The following RPS6 variants were observed in gnomAD, a reference collection of about 807,000 sequenced individuals.
RPS6 encodes ribosomal protein S6.
In RPS6, 1 loss-of-function variant was observed where a neutral mutation model predicts 27.1. The ratio of observed to expected loss-of-function variants is 0.04; its 90% CI spans 0.01 to 0.18. RPS6 has a LOEUF of 0.18. RPS6 is among the 10% of genes least tolerant of loss of function. The pLI, the probability that RPS6 is intolerant of heterozygous loss-of-function variation, is 1.00. For missense variants in RPS6, 259 were observed against 319.1 expected (o/e 0.81, Z 1.44); for synonymous variants, 152 against 106.0 (o/e 1.43, Z -2.66).
rs996919967 is a variant in RPS6 at position 19,378,661 on chromosome 9, T to C, written c.349+47A>G. On this transcript the variant is annotated intron_variant, in intron 3 of 5. Transcript: ENST00000380394. ...GCAAATGAATAAGCATTTGGACAAC[T>C]GGCTTTAAATCAATTTCAACGAAAA... 1.9e-6 allele frequency: 3 copies of C among 1,602,510 alleles called. No individual in the cohort carries two copies. In the African/African-American group the frequency reaches 4.0e-5, roughly 21 times the overall value.
At chr9:19,378,289 A>C (rs1224402382) in intron 4 of RPS6, 79 bp downstream of exon 4, 2 of 1,431,990 alleles carry the variant, frequency 1.4e-6, no homozygotes, top group Non-Finnish European at 1.9e-6. Flanking sequence ...AAAGGCACAT[A>C]TTTATCTTCT....
chr9:19,377,123 TTAATC>T (rs1829601477), intron 4 of RPS6, among the ~76,000 whole-genome samples: 1 of 152,250 alleles, frequency 6.6e-6, no homozygotes, highest in African/African-American at 2.4e-5. Context: ...AGTATCTTCA[TTAATC>T]TGATCTGTAC....
intron 1 of RPS6, 166 bp downstream of exon 1, chr9:19,380,024 G>T: frequency 6.6e-7 from 1 of 1,524,474 alleles, no homozygotes; most frequent in Non-Finnish European, 8.8e-7. Flanking sequence ...CCTGCCATCC[G>T]TTCGGCCAAA....
In RPS6 at chr9:19,378,468, G is replaced by T. The variant is rs541096547; in HGVS notation, c.396C>A (p.Arg132=). The change falls in exon 4 of 6, where the codon CGC becomes CGA. Residue 132 remains arginine, a synonymous_variant. Coordinates refer to ENST00000380394, the MANE Select transcript of RPS6 (RefSeq NM_001010.3). ...PGLTDTTVPR[R]LGPKRASRIR... ...TTCTGCTAGCTCTTTTGGGGCCCAG[G>T]CGGCGAGGCACTGTAGTATCAGTCA... is the stretch of plus-strand genomic sequence containing the variant. The T allele has an allele frequency of 6.2e-7, 1 of 1,614,132 alleles. No individual in the cohort carries two copies. Among genetic ancestry groups the T allele is most frequent in the Non-Finnish European group, 8.5e-7 (1 of 1,180,018 alleles).
intron 2 of RPS6, chr9:19,379,131 C>T: frequency 1.3e-6 from 1 of 774,684 alleles, no homozygotes; most frequent in Non-Finnish European, 2.0e-6. Flanking sequence ...GCATTTCTAA[C>T]CGATGTTTTA....
At chr9:19,379,117 AG>A in intron 2 of RPS6, 199 bp from the exon 3 acceptor site, 1 of 762,988 alleles carries the variant, frequency 1.3e-6, no homozygotes, top group East Asian at 2.7e-5. Flanking sequence ...ATGTCTTTCA[AG>A]TCGCATTTCT....
Position 19,380,222 on chromosome 9 carries a change from C to G in RPS6, c.-27G>C. 6.2e-7 allele frequency: 1 copy of G among 1,613,134 alleles called. No homozygotes were observed. Among genetic ancestry groups the G allele is most frequent in the South Asian group, 1.1e-5 (1 of 91,078 alleles). On this transcript the variant is annotated 5_prime_UTR_variant, in exon 1 of 6. Transcript: ENST00000380394. ...TTGAAGCAGCTGAACGCCTCCGAGG[C>G]GCCACGGAAAAGAGGGCCAACTTCC...
At chr9:19,379,318 C>T (rs1440685478) in intron 2 of RPS6, 169 bp downstream of exon 2, 3 of 1,501,946 alleles carry the variant, frequency 2.0e-6, no homozygotes, top group South Asian at 1.3e-5. Flanking sequence ...GCTTACTCTA[C>T]GTCCCCCCCT....
chr9:19,376,286 AAAAATCTTATTTCT>A lies in RPS6; in HGVS notation c.743_*6del. 6.2e-7 allele frequency: 1 copy of A among 1,605,850 alleles called. No individual in the cohort carries two copies. The highest frequency in any genetic ancestry group is 8.5e-7 in the Non-Finnish European group (1 of 1,176,450). On this transcript the variant is annotated stop_retained_variant and 3_prime_UTR_variant, in exon 6 of 6. Transcript: ENST00000380394. The stretch of plus-strand genomic sequence containing the variant: ...TCTGATCTTATTTATTTGTTACTCA[AAAAATCTTATTTCT>A]GACTGGATTCAGACTTAGAAGTAGA...
intron 3 of RPS6, 76 bp downstream of exon 3, chr9:19,378,632 T>G: frequency 6.3e-7 from 1 of 1,576,660 alleles, no homozygotes; most frequent in South Asian, 1.1e-5. Flanking sequence ...TAAGTCTGGA[T>G]ACTGCAAATG....
Position 19,378,698 on chromosome 9 carries a change from T to C in RPS6, c.349+10A>G. 1 of 1,613,598 alleles carries C rather than the reference T, an allele frequency of 6.2e-7. No homozygotes were observed. The highest frequency in any genetic ancestry group is 1.3e-5 in the African/African-American group (1 of 75,036). On this transcript the variant is annotated intron_variant, in intron 3 of 5. Coordinates refer to ENST00000380394, the MANE Select transcript of RPS6 (RefSeq NM_001010.3). ...AATTTCAACGAAAATTGAACACAAG[T>C]AACCCTCACCTTTTTTTACAATAAC...
chr9:19,376,759 TATA>T (rs780085470), intron 4 of RPS6, 108 bp from the exon 5 acceptor site: 26 of 1,050,320 alleles, frequency 2.5e-5, no homozygotes, highest in African/African-American at 3.2e-5. Flanking sequence ...TATGAAAACC[TATA>T]ATGAGGCCTT....
At position 19,376,177 on chromosome 9, in the gene RPS6, T is replaced by C; in HGVS notation, c.*116A>G. 2.4e-6 allele frequency: 2 copies of C among 839,600 alleles called. No homozygotes were observed. Among genetic ancestry groups the C allele is most frequent in the Non-Finnish European group, 1.9e-6 (1 of 525,466 alleles). The allele number at this position is 839,600 out of a possible 1,614,324, so 52.0% of individuals were successfully genotyped here. ...CCACCATTGGAATACCATATATACA[T>C]ATCCCCATTTTCTATGACCTAACTT... On this transcript the variant is annotated 3_prime_UTR_variant, in exon 6 of 6. Coordinates refer to ENST00000380394, the MANE Select transcript of RPS6 (RefSeq NM_001010.3).
At position 19,378,901 on chromosome 9, in the gene RPS6, G is replaced by A; in HGVS notation, c.156C>T (p.Ile52=). The A allele has an allele frequency of 1.2e-6, 2 of 1,614,074 alleles. No individual in the cohort carries two copies. The highest frequency in any genetic ancestry group is 1.7e-6 in the Non-Finnish European group (2 of 1,180,002). ...GEEWKGYVVR[I]SGGNDKQGFP... is the part of the protein sequence containing the mutation. ...AACCTTGTTTGTCGTTCCCACCACTGATTCGGACCACATAACCCTGCAAGA... is the reference window on the plus strand; with the variant it reads ...AACCTTGTTTGTCGTTCCCACCACTAATTCGGACCACATAACCCTGCAAGA... Residue 52 remains isoleucine (I), a synonymous_variant, in exon 3 of 6, where the codon ATC becomes ATT. Coordinates refer to ENST00000380394, the MANE Select transcript of RPS6 (RefSeq NM_001010.3).
rs994439195 is a variant in RPS6 at position 19,376,242 on chromosome 9, A to G, written c.*51T>C. On this transcript the variant is annotated 3_prime_UTR_variant, in exon 6 of 6. Coordinates refer to ENST00000380394, the MANE Select transcript of RPS6 (RefSeq NM_001010.3). The stretch of plus-strand genomic sequence containing the variant: ...TATGTAGTTTTCTATCAGCAATGAA[A>G]AGTCAACAGAGATCAGAGTCTGATC... 1 of 1,455,102 alleles carries G rather than the reference A, an allele frequency of 6.9e-7. No individual in the cohort carries two copies. Among genetic ancestry groups the G allele is most frequent in the Non-Finnish European group, 9.5e-7 (1 of 1,056,022 alleles). 90.1% of individuals were successfully genotyped at this position (1,455,102 alleles called of 1,614,324 possible).
chr9:19,379,654 T>C (rs1249500151), intron 1 of RPS6, 36 bp from the exon 2 acceptor site: 19 of 1,591,314 alleles, frequency 1.2e-5, no homozygotes, highest in Non-Finnish European at 1.4e-5. Flanking sequence ...TTTACGAAAC[T>C]ATCTATACAG....
rs1829568323 is a variant in RPS6 at position 19,375,929 on chromosome 9, T to G, written c.*364A>C. On this transcript the variant is annotated 3_prime_UTR_variant, in exon 6 of 6. Coordinates refer to ENST00000380394, the MANE Select transcript of RPS6 (RefSeq NM_001010.3). ...ATGTTCATCTTCACAAGGTCAATTTTCATGTATTAAATTGTGTATAGTGCT... is the reference window on the plus strand; with the variant it reads ...ATGTTCATCTTCACAAGGTCAATTTGCATGTATTAAATTGTGTATAGTGCT... The G allele has an allele frequency of 6.3e-6, 1 of 157,736 alleles. No homozygotes were observed. Among genetic ancestry groups the G allele is most frequent in the Admixed American group, 6.4e-5 (1 of 15,684 alleles). 9.8% of individuals were successfully genotyped at this position (157,736 alleles called of 1,614,324 possible).
intron 2 of RPS6, 163 bp downstream of exon 2, chr9:19,379,324 C>T (rs1048993032): frequency 6.6e-7 from 1 of 1,509,196 alleles, no homozygotes; most frequent in African/African-American, 1.4e-5. Flanking sequence ...TCTACGTCCC[C>T]CCCTCCAAGG....
At chr9:19,380,150 G>C in intron 1 of RPS6, 40 bp downstream of exon 1, 1 of 1,613,610 alleles carries the variant, frequency 6.2e-7, no homozygotes, top group South Asian at 1.1e-5. Context: ...CTCGATTCAC[G>C]TTCCCCAAAC....
Sources: gnomAD v4.1 joint callset for allele counts (sites outside exome capture counted in the v4.1 genomes callset) on GRCh38, gnomAD v4.1.1 for gene constraint, MANE v1.5 for transcripts, NCBI Gene and HGNC (gene_info 2026-07-23, HGNC 2026-07-21) for gene names.